The following SLC26A8 variants were observed in gnomAD, a reference collection of about 807,000 sequenced individuals.
The protein encoded by SLC26A8 is testis anion transporter 1.
SLC26A8 carries 70 observed loss-of-function variants against 105.0 expected under a neutral mutation model. The ratio of observed to expected loss-of-function variants is 0.67; its 90% CI spans 0.55 to 0.81. The LOEUF is 0.81. Among genes scored for constraint, SLC26A8 ranks in the 40% least tolerant of loss-of-function variants. The pLI is 0.00. For missense variants in SLC26A8, 998 were observed against 1,181.8 expected, an observed-to-expected ratio of 0.84 and a Z score of 2.28; for synonymous variants, 415 against 438.3, an observed-to-expected ratio of 0.95 and a Z score of 0.66.
At position 36,020,560 on chromosome 6, in the gene SLC26A8, A is replaced by G. The variant is rs573783497; in HGVS notation, c.-2-851T>C. On this transcript the variant is annotated intron_variant, in intron 1 of 19. Transcript: ENST00000490799. The stretch of plus-strand genomic sequence containing the variant: ...CCTGAGCCCAGCAGGTGGAGGTTGC[A>G]GTGAGCTGGGATCGCACCACTGTAC... 4.6e-5 allele frequency among the ~76,000 whole-genome samples: 7 copies of G among 152,314 alleles called. No homozygotes were observed. In the South Asian group the frequency reaches 1.4e-3, roughly 32 times the overall value.
chr6:35,967,792 C>T (rs1401258294), intron 11 of SLC26A8, among the ~76,000 whole-genome samples: 1 of 152,106 alleles, frequency 6.6e-6, no homozygotes, highest in Non-Finnish European at 1.5e-5. Context: ...TCCTTACTTA[C>T]GAAGCTTGCT....
At chr6:35,982,606 A>C (rs1165379475) in intron 7 of SLC26A8, among the ~76,000 whole-genome samples, 1 of 152,210 alleles carries the variant, frequency 6.6e-6, no homozygotes, top group East Asian at 1.9e-4. Flanking sequence ...GCTCCTCTTT[A>C]AATAAAGGGT....
chr6:36,010,179 G>T (rs1018787368), intron 3 of SLC26A8, among the ~76,000 whole-genome samples: 1 of 152,064 alleles, frequency 6.6e-6, no homozygotes, highest in African/African-American at 2.4e-5. Flanking sequence ...GACCAAAACT[G>T]GAAACAAAAT....
Position 36,009,654 on chromosome 6 carries a change from A to C in SLC26A8, c.328+2579T>G, listed in dbSNP as rs139125696. ...TTTCTTGAAATGTTAAAATTATAGAAGTGAAGAACATATTAATGATTGCTA... is the reference window on the plus strand; with the variant it reads ...TTTCTTGAAATGTTAAAATTATAGACGTGAAGAACATATTAATGATTGCTA... On this transcript the variant is annotated intron_variant, in intron 3 of 19. Transcript: ENST00000490799. 1.8e-3 allele frequency among the ~76,000 whole-genome samples: 275 copies of C among 152,334 alleles called. 4 individuals are homozygous for C. In the South Asian group the frequency reaches 0.037, roughly 21 times the overall value.
chr6:36,013,202 T>TTC (rs1205229830), intron 2 of SLC26A8, among the ~76,000 whole-genome samples: 1 of 151,142 alleles, frequency 6.6e-6, no homozygotes, highest in Non-Finnish European at 1.5e-5. Context: ...CCAGAGACTT[T>TTC]TTTTTTTTTT....
chr6:35,967,994 C>T (rs1270945147), intron 11 of SLC26A8, among the ~76,000 whole-genome samples: 1 of 150,892 alleles, frequency 6.6e-6, no homozygotes, highest in African/African-American at 2.4e-5. Flanking sequence ...ATTACAGGCA[C>T]CTGTCACCAC....
At chr6:35,992,300 A>T (rs915969889) in intron 6 of SLC26A8, among the ~76,000 whole-genome samples, 3 of 152,202 alleles carry the variant, frequency 2.0e-5, no homozygotes, top group African/African-American at 4.8e-5. Context: ...ATGGTTAGTC[A>T]ACTGAAAGCA....
chr6:35,992,260 T>C (rs1269382399), intron 6 of SLC26A8, among the ~76,000 whole-genome samples: 1 of 152,222 alleles, frequency 6.6e-6, no homozygotes, highest in Non-Finnish European at 1.5e-5. Flanking sequence ...TTTTAATGTA[T>C]ATCATGATAG....
rs1241267264 is a variant in SLC26A8, at chr6:35,979,385, A to G, written c.1026-2034T>C. On this transcript the variant is annotated intron_variant, in intron 8 of 19. Coordinates refer to ENST00000490799, the MANE Select transcript of SLC26A8 (RefSeq NM_052961.4). ...CAGCTACTTGGGAGGCTGAGGCAGG[A>G]GAATGGCATGAACCCGGGAGGCGGA... 4.6e-5 allele frequency among the ~76,000 whole-genome samples: 7 copies of G among 151,986 alleles called. No individual in the cohort carries two copies. In the East Asian group the frequency reaches 1.4e-3, roughly 30 times the overall value.
chr6:35,955,917 A>T (rs1255820866), intron 16 of SLC26A8, among the ~76,000 whole-genome samples: 1 of 152,074 alleles, frequency 6.6e-6, no homozygotes, highest in African/African-American at 2.4e-5. Context: ...CATCAGTGCA[A>T]CAGTCTCCTT....
At chr6:36,012,638 A>G (rs530948476) in intron 2 of SLC26A8, among the ~76,000 whole-genome samples, 2 of 152,334 alleles carry the variant, frequency 1.3e-5, no homozygotes, top group Admixed American at 6.5e-5. Context: ...AACAATAACA[A>G]TGTCTCCAGA....
chr6:36,018,687 A>T (rs747532299), intron 2 of SLC26A8, among the ~76,000 whole-genome samples: 5 of 152,240 alleles, frequency 3.3e-5, no homozygotes, highest in South Asian at 2.1e-4. Context: ...ACAATAAAAA[A>T]CATTTAAAAA....
chr6:35,970,710 G>A (rs1772760408), intron 10 of SLC26A8, among the ~76,000 whole-genome samples: 1 of 152,090 alleles, frequency 6.6e-6, no homozygotes, highest in African/African-American at 2.4e-5. Flanking sequence ...ACAAAGGCAG[G>A]CAGACACAAA....
At chr6:35,964,330 C>T (rs990062583) in intron 11 of SLC26A8, among the ~76,000 whole-genome samples, 6 of 152,154 alleles carry the variant, frequency 3.9e-5, no homozygotes, top group African/African-American at 1.2e-4. Context: ...CACACAAAAA[C>T]TTTGTTTTAC....
chr6:35,957,086 G>A (rs914181885), intron 16 of SLC26A8, among the ~76,000 whole-genome samples: 1 of 152,040 alleles, frequency 6.6e-6, no homozygotes, highest in Non-Finnish European at 1.5e-5. Flanking sequence ...GCCAGACAGG[G>A]TGGTAAATGC....
At chr6:36,016,770 C>G (rs1193558297) in intron 2 of SLC26A8, among the ~76,000 whole-genome samples, 1 of 152,160 alleles carries the variant, frequency 6.6e-6, no homozygotes, top group Non-Finnish European at 1.5e-5. Context: ...AAGAATAAAG[C>G]TGGACCTTTA....
intron 3 of SLC26A8, 107 bp from the exon 4 acceptor site, chr6:36,000,215 C>T (rs1761481011): frequency 1.4e-6 from 1 of 692,672 alleles, no homozygotes. Flanking sequence ...GTATAGCTGA[C>T]TGAGTGTGGT....
At chr6:35,974,906 G>GTTTTTTTTTTTTT (rs77148160) in intron 10 of SLC26A8, among the ~76,000 whole-genome samples, 1 of 141,102 alleles carries the variant, frequency 7.1e-6, no homozygotes. Context: ...CCAGCTAATT[G>GTTTTTTTTTTTTT]TTTTTTTTTT....
intron 14 of SLC26A8, 48 bp from the exon 15 acceptor site, chr6:35,959,854 GGA>G (rs769834892): frequency 3.6e-6 from 5 of 1,376,848 alleles, no homozygotes; most frequent in Non-Finnish European, 5.1e-6. Context: ...GTTATTTTAT[GGA>G]ATAAGAATAA....
Sources: gnomAD v4.1 joint callset for allele counts (sites outside exome capture counted in the v4.1 genomes callset) on GRCh38, gnomAD v4.1.1 for gene constraint, MANE v1.5 for transcripts, NCBI Gene and HGNC (gene_info 2026-07-23, HGNC 2026-07-21) for gene names.